The following PAN3 variants were observed in gnomAD, a reference collection of about 807,000 sequenced individuals.
PAN3 encodes the protein poly(A) specific ribonuclease subunit PAN3.
PAN3 carries 19 observed loss-of-function variants against 96.2 expected under a neutral mutation model. That is an observed-to-expected ratio of 0.20 (90% CI 0.14 to 0.29). The LOEUF (loss-of-function observed/expected upper bound fraction) is 0.29, where lower values mean the gene tolerates loss of function less well. Ranked by LOEUF, PAN3 falls within the 10% of genes least tolerant of loss-of-function variation. The probability of loss-of-function intolerance (pLI) is 1.00; values close to 1 mark genes in which losing one functional copy is unlikely to be tolerated. For missense variants in PAN3, 882 were observed against 1,108.1 expected (o/e 0.80, Z 2.90); for synonymous variants, 433 against 406.6 (o/e 1.06, Z -0.78).
intron 6 of PAN3, among the ~76,000 whole-genome samples, chr13:28,225,937 A>T (rs1881958264): frequency 6.6e-6 from 1 of 152,192 alleles, no homozygotes; most frequent in Admixed American, 6.5e-5. Flanking sequence ...AGTCATAAGG[A>T]ATAGAACACT....
chr13:28,141,462 C>CTTTTTTTTTTT (rs759736683), intron 1 of PAN3, among the ~76,000 whole-genome samples: 14 of 90,350 alleles, frequency 1.5e-4, no homozygotes, highest in East Asian at 6.5e-4. Flanking sequence ...TTCTTTTTTT[C>CTTTTTTTTTTT]TTTTTTTTTT....
intron 6 of PAN3, among the ~76,000 whole-genome samples, chr13:28,250,842 GA>G (rs1234861821): frequency 6.6e-6 from 1 of 152,192 alleles, no homozygotes; most frequent in Non-Finnish European, 1.5e-5. Flanking sequence ...CTTGAGTGAG[GA>G]GTTGTGTGCT....
chr13:28,189,110 G>C (rs923202120), intron 4 of PAN3, among the ~76,000 whole-genome samples: 5 of 152,156 alleles, frequency 3.3e-5, no homozygotes, highest in African/African-American at 1.2e-4. Context: ...TACCTCCCTT[G>C]TAATGAGAGT....
intron 1 of PAN3, among the ~76,000 whole-genome samples, chr13:28,139,638 A>G (rs1225524606): frequency 2.0e-5 from 3 of 151,654 alleles, no homozygotes; most frequent in African/African-American, 7.3e-5. Flanking sequence ...TGCGGGAGAA[A>G]GGTTTTGCAG....
intron 4 of PAN3, 125 bp from the exon 5 acceptor site, chr13:28,197,060 G>A: frequency 5.1e-6 from 6 of 1,179,558 alleles, no homozygotes; most frequent in Non-Finnish European, 5.7e-6. Flanking sequence ...GATATTAGAA[G>A]GAGTGTTTTA....
At chr13:28,227,259 T>C (rs1882101204) in intron 6 of PAN3, among the ~76,000 whole-genome samples, 1 of 152,194 alleles carries the variant, frequency 6.6e-6, no homozygotes, top group Admixed American at 6.5e-5. Flanking sequence ...AAGGCTTAAA[T>C]AGCTACCAGT....
chr13:28,289,901 G>A (rs933443147), intron 18 of PAN3, among the ~76,000 whole-genome samples: 5 of 151,868 alleles, frequency 3.3e-5, no homozygotes, highest in Non-Finnish European at 5.9e-5. Flanking sequence ...AGAAAGAAAA[G>A]ATTGGGAAAG....
intron 4 of PAN3, among the ~76,000 whole-genome samples, chr13:28,192,103 T>TGGCACCATCTCAGCTCACTGCAGC (rs528582025): frequency 4.1e-5 from 6 of 147,118 alleles, no homozygotes; most frequent in Admixed American, 6.9e-5. Flanking sequence ...TGGAGTGCAG[T>TGGCACCATCTCAGCTCACTGCAGC]GGCACCATCT....
At chr13:28,274,182 G>GC (rs1886869358) in intron 14 of PAN3, among the ~76,000 whole-genome samples, 1 of 152,104 alleles carries the variant, frequency 6.6e-6, no homozygotes, top group Admixed American at 6.6e-5. Flanking sequence ...TTTTCCCCCA[G>GC]CAGCATCATT....
At chr13:28,291,646 A>G (rs1022514986) in intron 18 of PAN3, among the ~76,000 whole-genome samples, 4 of 152,156 alleles carry the variant, frequency 2.6e-5, no homozygotes, top group Non-Finnish European at 5.9e-5. Flanking sequence ...CCTGGCCAAC[A>G]TGGCGAAACC....
At chr13:28,218,374 G>A (rs886309123) in intron 5 of PAN3, among the ~76,000 whole-genome samples, 1 of 151,908 alleles carries the variant, frequency 6.6e-6, no homozygotes, top group Admixed American at 6.6e-5. Flanking sequence ...TTAATCTCAA[G>A]TGCTCACAGT....
intron 5 of PAN3, among the ~76,000 whole-genome samples, chr13:28,213,701 G>GAAAAAA (rs1593486046): frequency 1.5e-5 from 1 of 67,380 alleles, no homozygotes. Context: ...TGAAAAAACA[G>GAAAAAA]CAAAAAAAAA....
At chr13:28,166,823 G>A in intron 1 of PAN3, among the ~76,000 whole-genome samples, 1 of 152,184 alleles carries the variant, frequency 6.6e-6, no homozygotes, top group East Asian at 1.9e-4. Flanking sequence ...CTGCACTTGA[G>A]CCACAGTGGG....
intron 9 of PAN3, among the ~76,000 whole-genome samples, chr13:28,266,193 C>T (rs193020154): frequency 1.6e-3 from 248 of 152,192 alleles, no homozygotes; most frequent in African/African-American, 5.6e-3. Context: ...GCTATATTTT[C>T]TTCTAGTTGG....
chr13:28,262,733 G>C (rs1197532879), intron 9 of PAN3, among the ~76,000 whole-genome samples: 1 of 152,120 alleles, frequency 6.6e-6, no homozygotes, highest in Non-Finnish European at 1.5e-5. Context: ...AAAATGGCTG[G>C]ATGTAAGATT....
At chr13:28,181,448 G>C (rs1195181193) in intron 4 of PAN3, among the ~76,000 whole-genome samples, 1 of 148,778 alleles carries the variant, frequency 6.7e-6, no homozygotes, top group African/African-American at 2.5e-5. Flanking sequence ...GGAGGTGGAG[G>C]CTGCAGTGAG....
chr13:28,162,761 T>C (rs1873043254), intron 1 of PAN3, among the ~76,000 whole-genome samples: 1 of 151,362 alleles, frequency 6.6e-6, no homozygotes. Flanking sequence ...GGAGGATTGC[T>C]TGAATTCAGG....
At chr13:28,142,890 G>A (rs1187580586) in intron 1 of PAN3, among the ~76,000 whole-genome samples, 1 of 152,044 alleles carries the variant, frequency 6.6e-6, no homozygotes, top group Non-Finnish European at 1.5e-5. Flanking sequence ...AGGCATTTGA[G>A]GTTTTGACTC....
In PAN3 at chr13:28,214,728, C is replaced by T. The variant is rs568969838; in HGVS notation, c.853-5503C>T. ...AAAGCTGAGCATGAATGTGGTCTCA[C>T]TATTGATATCTCCCTGTAGAAACTT... On this transcript the variant is annotated intron_variant, in intron 5 of 18. Transcript: ENST00000380958. 4.1e-5 allele frequency: 21 copies of T among 511,468 alleles called. No homozygotes were observed. The East Asian group carries it at 7.5e-4, about 18-fold the overall frequency. 31.7% of individuals were successfully genotyped at this position (511,468 alleles called of 1,614,324 possible).
Sources: allele counts gnomAD v4.1 joint callset (sites outside exome capture counted in the v4.1 genomes callset), GRCh38; gene constraint gnomAD v4.1.1; transcripts MANE v1.5; gene names NCBI Gene and HGNC (gene_info 2026-07-23, HGNC 2026-07-21).